Variants in ANK3 observed in about 807,000 individuals in gnomAD.
The protein encoded by ANK3 is ankyrin 3, also known as ankyrin-3.
A neutral mutation model predicts 370.9 loss-of-function variants in ANK3; 57 were observed. The observed-to-expected ratio is 0.15, with a 90% CI of 0.12 to 0.19. The LOEUF (loss-of-function observed/expected upper bound fraction) is 0.19, where lower values mean the gene tolerates loss of function less well. Among genes scored for constraint, ANK3 ranks in the 10% least tolerant of loss-of-function variants. The probability of loss-of-function intolerance (pLI) is 1.00; values close to 1 mark genes in which losing one functional copy is unlikely to be tolerated. For missense variants in ANK3, 4,439 were observed against 5,302.1 expected (o/e 0.84, Z 5.06); for synonymous variants, 1,929 against 1,946.3 (o/e 0.99, Z 0.23).
At chr10:60,470,676 C>T (rs961242905) in intron 2 of ANK3, among the ~76,000 whole-genome samples, 4 of 152,042 alleles carry the variant, frequency 2.6e-5, no homozygotes, top group African/African-American at 9.7e-5. Flanking sequence ...CAAAGCCCCG[C>T]TCTTACTGCA....
At chr10:60,557,330 T>C (rs974007690) in intron 2 of ANK3, among the ~76,000 whole-genome samples, 1 of 152,058 alleles carries the variant, frequency 6.6e-6, no homozygotes, top group Admixed American at 6.6e-5. Context: ...CACTAATAAA[T>C]GTGACAACAT....
At chr10:60,265,518 T>C (rs1244004230) in intron 5 of ANK3, among the ~76,000 whole-genome samples, 7 of 152,192 alleles carry the variant, frequency 4.6e-5, no homozygotes, top group African/African-American at 9.6e-5. Flanking sequence ...ATCCTAGGAC[T>C]GGCTCACAAA....
At position 60,430,804 on chromosome 10, in the gene ANK3, T is replaced by TA. The variant is rs572394758; in HGVS notation, c.97-151166dup. 2.7e-3 allele frequency among the ~76,000 whole-genome samples: 410 copies of TA among 149,756 alleles called. 1 individual carries two copies. The highest frequency in any genetic ancestry group is 7.8e-3 in the African/African-American group (318 of 40,906). On this transcript the variant is annotated intron_variant, in intron 2 of 43. Transcript: ENST00000373827. ...TTTCATAACACAAATAGGTGTGAAATAAAAAAAAAACTTGGATTTGAATTC... is the reference window on the plus strand; with the variant it reads ...TTTCATAACACAAATAGGTGTGAAATAAAAAAAAAAACTTGGATTTGAATTC...
rs1473560711 is a variant in ANK3, at chr10:60,028,522, T to C, written c.*1324A>G. ...TCAATGAATGCTGATTTTATGTGAA[T>C]ATAATCAACAAATTAAAGAATTTCA... On this transcript the variant is annotated 3_prime_UTR_variant, in exon 44 of 44. Transcript: ENST00000280772. 1 of 152,636 alleles carries C rather than the reference T, an allele frequency of 6.6e-6. No individual in the cohort carries two copies. 9.5% of individuals were successfully genotyped at this position (152,636 alleles called of 1,614,324 possible).
At chr10:60,121,476 G>C (rs2093467823) in intron 25 of ANK3, among the ~76,000 whole-genome samples, 1 of 151,834 alleles carries the variant, frequency 6.6e-6, no homozygotes, top group Admixed American at 6.6e-5. Flanking sequence ...CAGATGACTT[G>C]AGCTCAGGAG....
At chr10:60,712,315 T>C (rs756840493) in intron 1 of ANK3, among the ~76,000 whole-genome samples, 2 of 152,210 alleles carry the variant, frequency 1.3e-5, no homozygotes, top group East Asian at 1.9e-4. Context: ...TCCTGCAGGA[T>C]AAATCAAATG....
At chr10:60,197,347 C>T (rs1029086360) in intron 14 of ANK3, among the ~76,000 whole-genome samples, 1 of 152,198 alleles carries the variant, frequency 6.6e-6, no homozygotes, top group Non-Finnish European at 1.5e-5. Context: ...CTACAAGAAT[C>T]TGTGTATCAA....
At chr10:60,521,559 T>A (rs1000740887) in intron 2 of ANK3, among the ~76,000 whole-genome samples, 1 of 152,068 alleles carries the variant, frequency 6.6e-6, no homozygotes, top group African/African-American at 2.4e-5. Flanking sequence ...TTTGTAATCA[T>A]GATGAATTAC....
chr10:60,572,446 T>C lies in ANK3; in HGVS notation c.96+42740A>G, dbSNP rs185621357. 1.6e-5 allele frequency: 25 copies of C among 1,535,008 alleles called. No individual in the cohort carries two copies. The Admixed American group carries it at 2.2e-4, about 13-fold the overall frequency. The stretch of plus-strand genomic sequence containing the variant: ...GCCAGAGAACAATGAAGAGAACATG[T>C]TGCTTATTCATTTCTTACCTTTTTT... On this transcript the variant is annotated intron_variant, in intron 2 of 43. Coordinates refer to the ANK3 transcript ENST00000373827.
intron 2 of ANK3, among the ~76,000 whole-genome samples, chr10:60,495,422 T>C (rs2075628992): frequency 6.6e-6 from 1 of 152,146 alleles, no homozygotes; most frequent in Non-Finnish European, 1.5e-5. Flanking sequence ...CAGTGCTTGG[T>C]AGACACATTA....
intron 2 of ANK3, among the ~76,000 whole-genome samples, chr10:60,403,657 G>A (rs1057124004): frequency 3.9e-5 from 6 of 151,974 alleles, no homozygotes; most frequent in Non-Finnish European, 5.9e-5. Context: ...GCGCGATCTC[G>A]GCTCATTGCA....
chr10:60,575,204 T>C (rs937139353), intron 2 of ANK3, among the ~76,000 whole-genome samples: 48 of 152,238 alleles, frequency 3.2e-4, no homozygotes, highest in African/African-American at 1.1e-3. Flanking sequence ...TAAACATGAA[T>C]TGGCAGGAAA....
At chr10:60,605,451 G>T (rs559435959) in intron 2 of ANK3, among the ~76,000 whole-genome samples, 26 of 151,968 alleles carry the variant, frequency 1.7e-4, no homozygotes, top group Admixed American at 8.5e-4. Flanking sequence ...AAAATATAAA[G>T]AAATAAATAA....
At chr10:60,181,164 G>A in intron 18 of ANK3, among the ~76,000 whole-genome samples, 165 bp downstream of exon 18, 1 of 152,108 alleles carries the variant, frequency 6.6e-6, no homozygotes, top group East Asian at 1.9e-4. Context: ...CCTGGAATAC[G>A]GCAACCGGAG....
chr10:60,615,871 T>C (rs1218065834), intron 1 of ANK3, among the ~76,000 whole-genome samples: 1 of 152,196 alleles, frequency 6.6e-6, no homozygotes, highest in Admixed American at 6.5e-5. Context: ...CTTTCTGTTT[T>C]TACAAAATGC....
At chr10:60,174,350 C>T (rs2095869871) in intron 18 of ANK3, among the ~76,000 whole-genome samples, 2 of 152,202 alleles carry the variant, frequency 1.3e-5, no homozygotes, top group Admixed American at 1.3e-4. Flanking sequence ...AACTGACTTA[C>T]AACCTCTAAC....
intron 7 of ANK3, among the ~76,000 whole-genome samples, chr10:60,255,891 A>AC (rs2097727582): frequency 6.6e-6 from 1 of 152,114 alleles, no homozygotes; most frequent in South Asian, 2.1e-4. Context: ...TTCCTTCCTC[A>AC]CTGGGGCCCA....
chr10:60,631,796 A>T (rs914105878), intron 1 of ANK3, among the ~76,000 whole-genome samples: 1 of 152,214 alleles, frequency 6.6e-6, no homozygotes, highest in African/African-American at 2.4e-5. Flanking sequence ...TAGAGAAAAT[A>T]AAAATTACCT....
intron 18 of ANK3, among the ~76,000 whole-genome samples, chr10:60,176,196 C>A (rs5025058): frequency 0.046 from 6,234 of 136,160 alleles, 343 homozygotes; most frequent in African/African-American, 0.14. Context: ...AAAAAAAAAA[C>A]AAAAAAAAAC....
Sources: allele counts gnomAD v4.1 joint callset (sites outside exome capture counted in the v4.1 genomes callset), GRCh38; gene constraint gnomAD v4.1.1; transcripts MANE v1.5; gene names NCBI Gene and HGNC (gene_info 2026-07-23, HGNC 2026-07-21).